Variants in PCDH15 observed in about 807,000 individuals in gnomAD.
PCDH15 encodes protocadherin related 15.
A neutral mutation model predicts 178.5 loss-of-function variants in PCDH15; 129 were observed. The observed-to-expected ratio is 0.72, with a 90% CI of 0.63 to 0.84. PCDH15 has a LOEUF of 0.84. PCDH15 is among the 40% of genes least tolerant of loss of function. The probability of loss-of-function intolerance (pLI) is 0.00; values close to 1 mark genes in which losing one functional copy is unlikely to be tolerated. For synonymous variants in PCDH15, 800 were observed against 732.0 expected (o/e 1.09, Z -1.50); for missense variants, 2,230 against 2,099.9 (o/e 1.06, Z -1.21).
intron 2 of PCDH15, among the ~76,000 whole-genome samples, chr10:55,473,961 G>A (rs1840014498): frequency 6.6e-6 from 1 of 152,098 alleles, no homozygotes; most frequent in Non-Finnish European, 1.5e-5. Flanking sequence ...CAAGGCTTGG[G>A]AAAGGTGTTT....
intron 3 of PCDH15, among the ~76,000 whole-genome samples, chr10:54,871,389 G>GA (rs994255122): frequency 2.1e-4 from 29 of 138,836 alleles, no homozygotes; most frequent in Middle Eastern, 7.5e-3. Flanking sequence ...TAAGCTACTT[G>GA]AAAAAAAAAT....
intron 2 of PCDH15, among the ~76,000 whole-genome samples, chr10:55,384,452 A>C (rs903185470): frequency 2.6e-5 from 4 of 152,300 alleles, no homozygotes; most frequent in African/African-American, 9.6e-5. Flanking sequence ...TGTTATGATA[A>C]GAAGAAATTC....
chr10:54,343,035 C>T (rs1942546188), intron 6 of PCDH15, among the ~76,000 whole-genome samples: 1 of 152,094 alleles, frequency 6.6e-6, no homozygotes, highest in South Asian at 2.1e-4. Flanking sequence ...TCAGATGAAA[C>T]TTTGAACTTG....
intron 8 of PCDH15, among the ~76,000 whole-genome samples, chr10:54,256,190 G>GAGA (rs1201144609): frequency 6.6e-6 from 1 of 152,164 alleles, no homozygotes; most frequent in East Asian, 1.9e-4. Context: ...TCCTACTGAA[G>GAGA]AGAAGAAGTT....
At position 55,259,837 on chromosome 10, in the gene PCDH15, G is replaced by C. The variant is rs186006375; in HGVS notation, c.-156+59762C>G. Among the ~76,000 whole-genome samples the C allele has an allele frequency of 4.0e-3, 535 of 134,640 alleles. 3 individuals carry two copies. Among genetic ancestry groups the C allele is most frequent in the African/African-American group, 0.014 (494 of 35,832 alleles). The allele number at this position is 134,640 out of a possible 152,430, so 88.3% of individuals were successfully genotyped here. A position where few individuals can be genotyped will look rare whatever the true frequency, so the allele number is the denominator to read the frequency against. ...GAATTGCTTGAACCTGGGAGGCAGA[G>C]GTTGAGGTGAGCCGAGATTGCACCA... On this transcript the variant is annotated intron_variant, in intron 1 of 5. Transcript: ENST00000458638.
At chr10:53,819,578 C>T (rs1293588852) in intron 33 of PCDH15, among the ~76,000 whole-genome samples, 1 of 151,946 alleles carries the variant, frequency 6.6e-6, no homozygotes, top group Non-Finnish European at 1.5e-5. Context: ...ATATGTATCA[C>T]TGTTTACTTT....
At chr10:54,567,611 C>T (rs1385865176) in intron 2 of PCDH15, among the ~76,000 whole-genome samples, 1 of 152,012 alleles carries the variant, frequency 6.6e-6, no homozygotes, top group African/African-American at 2.4e-5. Flanking sequence ...ATAGCATAAC[C>T]TTTTGAATCG....
At chr10:55,490,672 A>G (rs1237407058) in intron 2 of PCDH15, among the ~76,000 whole-genome samples, 4 of 151,778 alleles carry the variant, frequency 2.6e-5, no homozygotes, top group African/African-American at 9.7e-5. Context: ...TATCAGTCTA[A>G]CCTATGTCTA....
At chr10:54,301,026 T>C (rs539486930) in intron 8 of PCDH15, among the ~76,000 whole-genome samples, 1 of 152,292 alleles carries the variant, frequency 6.6e-6, no homozygotes, top group South Asian at 2.1e-4. Flanking sequence ...AGAAGGTATG[T>C]GGCTTCACTC....
chr10:54,910,225 CT>C (rs1954795703), intron 2 of PCDH15, among the ~76,000 whole-genome samples: 1 of 152,144 alleles, frequency 6.6e-6, no homozygotes, highest in African/African-American at 2.4e-5. Flanking sequence ...TCCAGATAGC[CT>C]GTGGCGGCCA....
intron 2 of PCDH15, among the ~76,000 whole-genome samples, chr10:54,616,022 C>G (rs536110013): frequency 6.6e-6 from 1 of 151,844 alleles, no homozygotes; most frequent in African/African-American, 2.4e-5. Flanking sequence ...CAACAGCAGG[C>G]TCAGCATTAC....
rs114151541 is a variant in PCDH15, at chr10:54,815,595, G to A, written c.-29+81855C>T. 6.9e-3 allele frequency among the ~76,000 whole-genome samples: 1,056 copies of A among 151,954 alleles called. 12 individuals carry two copies. Among genetic ancestry groups the A allele is most frequent in the African/African-American group, 0.024 (991 of 41,444 alleles). ...TCACAGTAAAAAGTAATCTCTTCAG[G>A]TTCTCATGTATTTTTGTCATGTTTA... On this transcript the variant is annotated intron_variant, in intron 3 of 5. Coordinates refer to the PCDH15 transcript ENST00000458638.
chr10:54,353,246 A>G, intron 5 of PCDH15, among the ~76,000 whole-genome samples: 1 of 152,016 alleles, frequency 6.6e-6, no homozygotes, highest in Middle Eastern at 3.4e-3. Flanking sequence ...CCATCTTAAA[A>G]CTTTCCAGAA....
chr10:54,609,976 T>C (rs1395917440), intron 2 of PCDH15, among the ~76,000 whole-genome samples: 2 of 152,024 alleles, frequency 1.3e-5, no homozygotes, highest in East Asian at 1.9e-4. Flanking sequence ...ATTAAATTCA[T>C]TTGTATTTCT....
At position 54,208,110 on chromosome 10, in the gene PCDH15, C is replaced by T. The variant is rs142788551; in HGVS notation, c.1098+5826G>A. ...AAAAGGAGAACACAAAATTAAAATACGAACACTTAGTGTATCAAAGGTCAA... is the reference window on the plus strand; with the variant it reads ...AAAAGGAGAACACAAAATTAAAATATGAACACTTAGTGTATCAAAGGTCAA... On this transcript the variant is annotated intron_variant, in intron 10 of 37. Coordinates refer to ENST00000644397, the MANE Select transcript of PCDH15 (RefSeq NM_001384140.1). Among the ~76,000 whole-genome samples the T allele has an allele frequency of 1.2e-3, 184 of 151,976 alleles. 1 individual carries two copies. The highest frequency in any genetic ancestry group is 0.01 in the Middle Eastern group (3 of 292).
intron 15 of PCDH15, among the ~76,000 whole-genome samples, chr10:54,100,995 T>G (rs923887332): frequency 1.3e-5 from 2 of 152,166 alleles, no homozygotes; most frequent in African/African-American, 4.8e-5. Flanking sequence ...AGGTAGATAT[T>G]GGTTGATATG....
intron 11 of PCDH15, among the ~76,000 whole-genome samples, chr10:54,194,740 C>A (rs112252136): frequency 9.9e-5 from 15 of 151,102 alleles, no homozygotes; most frequent in South Asian, 2.1e-4. Flanking sequence ...ATCTATCTAT[C>A]TATATATATA....
chr10:54,099,247 T>C (rs1359977040), intron 15 of PCDH15, among the ~76,000 whole-genome samples: 2 of 152,066 alleles, frequency 1.3e-5, no homozygotes, highest in Non-Finnish European at 2.9e-5. Context: ...ACGCCTGTAA[T>C]GCCAGCACTT....
upstream of PCDH15, among the ~76,000 whole-genome samples, chr10:54,803,575 C>A (rs905180519): frequency 2.0e-5 from 3 of 152,098 alleles, no homozygotes; most frequent in African/African-American, 4.8e-5. Flanking sequence ...ATCCACTATT[C>A]ATTTGTCTAA....
Sources: allele counts gnomAD v4.1 joint callset (sites outside exome capture counted in the v4.1 genomes callset), GRCh38; gene constraint gnomAD v4.1.1; transcripts MANE v1.5; gene names NCBI Gene and HGNC (gene_info 2026-07-23, HGNC 2026-07-21).